The following GNB5 variants were observed in gnomAD, a reference collection of about 807,000 sequenced individuals.
GNB5 encodes the protein guanine nucleotide-binding protein subunit beta-5.
A neutral mutation model predicts 55.3 loss-of-function variants in GNB5; 37 were observed. The observed-to-expected ratio is 0.67, with a 90% confidence interval of 0.51 to 0.88. The LOEUF is 0.88. Ranked by LOEUF, GNB5 falls within the 40% of genes least tolerant of loss-of-function variation. GNB5 has a pLI of 0.00. For missense variants in GNB5, 476 were observed against 515.3 expected (o/e 0.92, Z 0.74); for synonymous variants, 219 against 198.5 (o/e 1.10, Z -0.87).
intron 8 of GNB5, 112 bp from the exon 9 acceptor site, chr15:52,133,581 A>G: frequency 4.2e-6 from 3 of 710,308 alleles, no homozygotes; most frequent in South Asian, 3.4e-5. Flanking sequence ...CAAATGGTTG[A>G]CAACACACTT....
chr15:52,179,409 C>T (rs60705168), intron 3 of GNB5, among the ~76,000 whole-genome samples: 1 of 152,108 alleles, frequency 6.6e-6, no homozygotes, highest in Non-Finnish European at 1.5e-5. Flanking sequence ...TCGCCGCGCT[C>T]GCTCGTCACC....
Position 52,153,883 on chromosome 15 carries a change from C to T in GNB5, c.375+57G>A. The T allele has an allele frequency of 3.4e-6, 5 of 1,485,964 alleles. No individual in the cohort carries two copies. In the South Asian group the frequency reaches 4.8e-5, roughly 14 times the overall value. The allele number at this position is 1,485,964 out of a possible 1,614,324, so 92.0% of individuals were successfully genotyped here. ...CTTTTGGAAAGGGACAGCTCTCCTC[C>T]CCCTTAGCTATAAAATCCAAAACCC... On this transcript the variant is annotated intron_variant, in intron 4 of 12. Transcript: ENST00000261837.
In GNB5 at chr15:52,118,381, A is replaced by AT. The variant is rs982518476; in HGVS notation, c.*4375dup. 5 of 151,162 alleles carry AT rather than the reference A, an allele frequency of 3.3e-5. No individual in the cohort carries two copies. The highest frequency in any genetic ancestry group is 1.2e-4 in the African/African-American group (5 of 41,082). The allele number at this position is 151,162 out of a possible 1,614,324, so 9.4% of individuals were successfully genotyped here. A position where few individuals can be genotyped will look rare whatever the true frequency, so the allele number is the denominator to read the frequency against. ...GACACTTTTTTTTTTTGTATGGGTG[A>AT]TTTTTTTATTTTCATCCTCTCAGGA... On this transcript the variant is annotated 3_prime_UTR_variant, in exon 13 of 13. Coordinates refer to ENST00000261837, the MANE Select transcript of GNB5 (RefSeq NM_016194.4).
chr15:52,153,139 G>A (rs1481836637), intron 4 of GNB5, among the ~76,000 whole-genome samples: 2 of 152,314 alleles, frequency 1.3e-5, no homozygotes, highest in South Asian at 2.1e-4. Context: ...GCAATGGACT[G>A]TCACCTCTGA....
intron 6 of GNB5, among the ~76,000 whole-genome samples, chr15:52,142,604 C>T (rs907716569): frequency 6.6e-5 from 10 of 151,732 alleles, no homozygotes; most frequent in Admixed American, 4.6e-4. Context: ...GGTCCTTGAA[C>T]GTTCCTTTAC....
At position 52,125,946 on chromosome 15, in the gene GNB5, AC is replaced by A; in HGVS notation, c.1009+1del. On this transcript the variant is annotated splice_donor_variant, in intron 11 of 12. Transcript: ENST00000261837. LOFTEE classifies it high-confidence loss of function. ...GGAAAAGTTTCTGAAATAAAATCTTACCACTGAGGGAGAAGTCCACGCTGGA... is the reference window on the plus strand; with the variant it reads ...GGAAAAGTTTCTGAAATAAAATCTTACACTGAGGGAGAAGTCCACGCTGGA... 7.7e-7 allele frequency: 1 copy of A among 1,306,240 alleles called. No individual in the cohort carries two copies. Among genetic ancestry groups the A allele is most frequent in the Non-Finnish European group, 1.1e-6 (1 of 909,712 alleles). 80.9% of individuals were successfully genotyped at this position (1,306,240 alleles called of 1,614,324 possible).
chr15:52,165,368 T>A (rs1178262123), intron 3 of GNB5, among the ~76,000 whole-genome samples: 2 of 152,156 alleles, frequency 1.3e-5, no homozygotes, highest in Non-Finnish European at 2.9e-5. Flanking sequence ...AGAACGCCAG[T>A]AAGATACTCC....
rs989595572 is a variant in GNB5 at position 52,115,815 on chromosome 15, C to T, written c.*6942G>A. The stretch of plus-strand genomic sequence containing the variant: ...TCTAATTCAGTTCCCCCCGGAGAAA[C>T]TCAGTGCCCACTAACCGTCACTCCT... On this transcript the variant is annotated 3_prime_UTR_variant, in exon 13 of 13. Coordinates refer to ENST00000261837, the MANE Select transcript of GNB5 (RefSeq NM_016194.4). 3.9e-5 allele frequency: 6 copies of T among 152,230 alleles called. No homozygotes were observed. The highest frequency in any genetic ancestry group is 7.3e-5 in the Non-Finnish European group (5 of 68,044). The allele number at this position is 152,230 out of a possible 1,614,324, so 9.4% of individuals were successfully genotyped here. A position where few individuals can be genotyped will look rare whatever the true frequency, so the allele number is the denominator to read the frequency against.
At chr15:52,163,189 T>G (rs975118762) in intron 3 of GNB5, among the ~76,000 whole-genome samples, 10 of 152,094 alleles carry the variant, frequency 6.6e-5, no homozygotes, top group African/African-American at 2.4e-4. Flanking sequence ...GATCGGGAGA[T>G]CACCTCGTGA....
intron 4 of GNB5, among the ~76,000 whole-genome samples, chr15:52,153,481 T>TAACTA (rs974817411): frequency 1.5e-4 from 23 of 152,194 alleles, no homozygotes; most frequent in South Asian, 8.3e-4. Context: ...GAGGAATAGA[T>TAACTA]AACTAATAAA....
intron 5 of GNB5, chr15:52,149,474 C>T: frequency 2.3e-6 from 1 of 431,700 alleles, no homozygotes; most frequent in Non-Finnish European, 4.1e-6. Flanking sequence ...GCAGCCTCAT[C>T]TTCCCCACCC....
intron 1 of GNB5, among the ~76,000 whole-genome samples, chr15:52,187,348 C>G (rs1298007341): frequency 6.6e-6 from 1 of 151,920 alleles, no homozygotes; most frequent in Admixed American, 6.6e-5. Context: ...ATTTGTGCTT[C>G]CAGAAGTAGG....
chr15:52,137,946 T>C (rs1566936367), intron 7 of GNB5: 3 of 1,287,164 alleles, frequency 2.3e-6, no homozygotes, highest in South Asian at 1.2e-5. Flanking sequence ...TACTGATGGC[T>C]GAGGAAAGAA....
chr15:52,132,706 C>T (rs1436868274), intron 9 of GNB5, among the ~76,000 whole-genome samples: 1 of 149,666 alleles, frequency 6.7e-6, no homozygotes, highest in African/African-American at 2.5e-5. Flanking sequence ...CTCCTGGGCT[C>T]AAGCAATCTG....
At chr15:52,170,606 A>T (rs1169677850) in intron 3 of GNB5, among the ~76,000 whole-genome samples, 1 of 152,060 alleles carries the variant, frequency 6.6e-6, no homozygotes, top group East Asian at 1.9e-4. Context: ...GCTGGGCTTA[A>T]TACTTAGGTG....
rs1216214959 is a variant in GNB5 at position 52,117,192 on chromosome 15, A to T, written c.*5565T>A. 1.3e-5 allele frequency: 2 copies of T among 149,292 alleles called. No homozygotes were observed. The highest frequency in any genetic ancestry group is 3.0e-5 in the Non-Finnish European group (2 of 67,590). 9.2% of individuals were successfully genotyped at this position (149,292 alleles called of 1,614,324 possible). ...TGATCCACCCGCCTCGGCCTCCCAA[A>T]GTGCTGGGATTACAGGCGTGAGCCA... On this transcript the variant is annotated 3_prime_UTR_variant, in exon 13 of 13. Coordinates refer to ENST00000261837, the MANE Select transcript of GNB5 (RefSeq NM_016194.4).
intron 3 of GNB5, among the ~76,000 whole-genome samples, chr15:52,160,594 A>C (rs1265582439): frequency 6.6e-6 from 1 of 151,368 alleles, no homozygotes; most frequent in Non-Finnish European, 1.5e-5. Flanking sequence ...TATAGAAGTA[A>C]ATGCATATTC....
At chr15:52,149,650 C>G in intron 5 of GNB5, 1 of 608,244 alleles carries the variant, frequency 1.6e-6, no homozygotes. Flanking sequence ...GTATTGGCAG[C>G]CCCTATGGTG....
Position 52,117,102 on chromosome 15 carries a change from A to ACATATATTTTTTTTTTTTTT in GNB5, c.*5654_*5655insAAAAAAAAAAAAAATATATG. On this transcript the variant is annotated 3_prime_UTR_variant, in exon 13 of 13. Coordinates refer to ENST00000261837, the MANE Select transcript of GNB5 (RefSeq NM_016194.4). ...CCACGCCCAGCTAATATATATATAT[A>ACATATATTTTTTTTTTTTTT]TTTTTTTTTAGTACAGACAGGGTTT... The ACATATATTTTTTTTTTTTTT allele has an allele frequency of 1.1e-5, 1 of 87,102 alleles. No individual in the cohort carries two copies. The highest frequency in any genetic ancestry group is 6.1e-5 in the African/African-American group (1 of 16,448). The allele number at this position is 87,102 out of a possible 1,614,324, so 5.4% of individuals were successfully genotyped here.
Sources: allele counts gnomAD v4.1 joint callset (sites outside exome capture counted in the v4.1 genomes callset), GRCh38; gene constraint gnomAD v4.1.1; transcripts MANE v1.5; gene names NCBI Gene and HGNC (gene_info 2026-07-23, HGNC 2026-07-21).